Variants in UGT1A10 observed in about 807,000 individuals in gnomAD.
UGT1A10 encodes UDP glucuronosyltransferase family 1 member A10.
In UGT1A10, 49 loss-of-function variants were observed where a neutral mutation model predicts 45.8. The ratio of observed to expected loss-of-function variants is 1.07; its 90% confidence interval spans 0.85 to 1.36. The LOEUF (loss-of-function observed/expected upper bound fraction) is 1.36, where lower values mean the gene tolerates loss of function less well. UGT1A10 is among the 40% of genes most tolerant of loss of function. The pLI is 0.00. For missense variants in UGT1A10, 745 were observed against 668.6 expected, an observed-to-expected ratio of 1.11 and a Z score of -1.26; for synonymous variants, 284 against 249.7, an observed-to-expected ratio of 1.14 and a Z score of -1.29.
chr2:233,693,216 A>G, intron 1 of UGT1A10: 1 of 1,614,196 alleles, frequency 6.2e-7, no homozygotes. Context: ...AAAGAATCCA[A>G]ATACTACACA....
intron 1 of UGT1A10, chr2:233,742,922 C>G (rs1038154831): frequency 2.7e-5 from 5 of 188,274 alleles, no homozygotes; most frequent in African/African-American, 1.2e-4. Context: ...AAGTGCTGAA[C>G]TGAACATTCT....
At position 233,769,829 on chromosome 2, in the gene UGT1A10, A is replaced by C; in HGVS notation, c.1295+1390A>C. 1.4e-6 allele frequency: 1 copy of C among 707,246 alleles called. No homozygotes were observed. Among genetic ancestry groups the C allele is most frequent in the East Asian group, 3.2e-5 (1 of 31,212 alleles). The allele number at this position is 707,246 out of a possible 1,614,324, so 43.8% of individuals were successfully genotyped here. On this transcript the variant is annotated intron_variant, in intron 4 of 4. Transcript: ENST00000344644. This position sits in a 1 kb window ranked among gnomAD's most constrained non-coding sequence, Gnocchi z 4.4. ...GTGATCATGCCACTGCACTCCAGCA[A>C]CCTGGGCAACAGAGTGAGACCCTGT...
intron 1 of UGT1A10, among the ~76,000 whole-genome samples, chr2:233,642,178 A>C (rs978891236): frequency 6.6e-6 from 1 of 152,170 alleles, no homozygotes; most frequent in African/African-American, 2.4e-5. Context: ...TAGATCCTAT[A>C]AGCATGCTTC....
chr2:233,686,048 A>G (rs1575435852), intron 1 of UGT1A10, among the ~76,000 whole-genome samples: 1 of 152,318 alleles, frequency 6.6e-6, no homozygotes, highest in Non-Finnish European at 1.5e-5. Context: ...AATGGCAAAG[A>G]ATAGTGTCTT....
chr2:233,651,030 T>C (rs1272377054), intron 1 of UGT1A10, among the ~76,000 whole-genome samples: 1 of 152,188 alleles, frequency 6.6e-6, no homozygotes, highest in African/African-American at 2.4e-5. Flanking sequence ...AGCCAACTCA[T>C]GGGAAAATGA....
intron 1 of UGT1A10, among the ~76,000 whole-genome samples, chr2:233,658,490 C>T (rs1341980513): frequency 2.0e-5 from 3 of 152,144 alleles, no homozygotes; most frequent in Non-Finnish European, 2.9e-5. Flanking sequence ...GACATTTAGC[C>T]CATCACGCCC....
chr2:233,742,531 TTTTG>T (rs1252535514), intron 1 of UGT1A10, among the ~76,000 whole-genome samples: 4 of 151,838 alleles, frequency 2.6e-5, no homozygotes, highest in African/African-American at 9.7e-5. Context: ...GCTGCAGAGA[TTTTG>T]TTTATGGCCA....
At chr2:233,748,872 G>A (rs1337715059) in intron 1 of UGT1A10, among the ~76,000 whole-genome samples, 3 of 151,552 alleles carry the variant, frequency 2.0e-5, no homozygotes, top group Non-Finnish European at 4.4e-5. Context: ...GCTGGGGACG[G>A]TGATGAATGG....
intron 1 of UGT1A10, among the ~76,000 whole-genome samples, chr2:233,707,513 AT>A (rs1477564878): frequency 2.1e-5 from 3 of 144,262 alleles, no homozygotes. Context: ...CATAAATAGA[AT>A]TTTACTGTTT....
chr2:233,749,829 T>C (rs758485445), intron 1 of UGT1A10, among the ~76,000 whole-genome samples: 1 of 151,956 alleles, frequency 6.6e-6, no homozygotes, highest in Non-Finnish European at 1.5e-5. Context: ...CTCTCTTTCA[T>C]GTAAGACGTG....
chr2:233,728,607 C>T (rs868048236), intron 1 of UGT1A10, among the ~76,000 whole-genome samples: 2 of 152,210 alleles, frequency 1.3e-5, no homozygotes, highest in Admixed American at 6.5e-5. Flanking sequence ...CCAGCCTCCA[C>T]GCTGTTCAGA....
intron 1 of UGT1A10, among the ~76,000 whole-genome samples, chr2:233,766,563 T>C (rs533483088): frequency 6.6e-6 from 1 of 152,304 alleles, no homozygotes; most frequent in South Asian, 2.1e-4. Context: ...CCTAGGTCCA[T>C]GGGCACAGGT....
At chr2:233,676,290 G>C (rs1297476312) in intron 1 of UGT1A10, among the ~76,000 whole-genome samples, 2 of 152,124 alleles carry the variant, frequency 1.3e-5, no homozygotes, top group Admixed American at 6.5e-5. Flanking sequence ...CAGGGGTCCT[G>C]CAAATATTTT....
At chr2:233,745,396 T>A (rs1020698339) in intron 1 of UGT1A10, among the ~76,000 whole-genome samples, 1 of 151,856 alleles carries the variant, frequency 6.6e-6, no homozygotes, top group Non-Finnish European at 1.5e-5. Flanking sequence ...TATTCTCTTT[T>A]TGACACTGGA....
chr2:233,662,231 A>G (rs916010125), intron 1 of UGT1A10, among the ~76,000 whole-genome samples: 2 of 152,226 alleles, frequency 1.3e-5, no homozygotes, highest in Non-Finnish European at 1.5e-5. Context: ...TGTGTCTATA[A>G]TATGGTAGTA....
At chr2:233,656,278 A>G (rs1281888083) in intron 1 of UGT1A10, among the ~76,000 whole-genome samples, 1 of 152,236 alleles carries the variant, frequency 6.6e-6, no homozygotes, top group Non-Finnish European at 1.5e-5. Flanking sequence ...CAGGGCACAA[A>G]GGCACTCAAA....
rs574223666 is a variant in UGT1A10, at chr2:233,734,984, T to C, written c.856-32050T>C. ...GTGATGTGGTGCTGAGAAGAATGTA[T>C]ATTCTCTTGACTTAGGGTGGAGAGT... On this transcript the variant is annotated intron_variant, in intron 1 of 4. Transcript: ENST00000344644. Among the ~76,000 whole-genome samples, 9 of 152,370 alleles carry C rather than the reference T, an allele frequency of 5.9e-5. No homozygotes were observed. In the East Asian group the frequency reaches 1.5e-3, roughly 26 times the overall value.
intron 1 of UGT1A10, among the ~76,000 whole-genome samples, chr2:233,647,060 T>C (rs1008115637): frequency 1.3e-5 from 2 of 152,216 alleles, no homozygotes; most frequent in Non-Finnish European, 1.5e-5. Context: ...CCTCCATGGA[T>C]GGCAGCAGGC....
chr2:233,749,470 C>T (rs7604115), intron 1 of UGT1A10, among the ~76,000 whole-genome samples: 55,875 of 151,612 alleles, frequency 0.37, 10,826 homozygotes, highest in African/African-American at 0.42. Context: ...GGAACTGTGG[C>T]ACAGATCACT....
Sources: allele counts gnomAD v4.1 joint callset (sites outside exome capture counted in the v4.1 genomes callset), GRCh38; gene constraint gnomAD v4.1.1; non-coding constraint Gnocchi (gnomAD v3.1); transcripts MANE v1.5; gene names NCBI Gene and HGNC (gene_info 2026-07-23, HGNC 2026-07-21).